The following PPL variants were observed in gnomAD, a reference collection of about 807,000 sequenced individuals.
The protein encoded by PPL is periplakin, also known as 190 kDa paraneoplastic pemphigus antigen.
Under a neutral mutation model 194.4 loss-of-function variants are expected in PPL, and 198 were observed. The ratio of observed to expected loss-of-function variants is 1.02; its 90% CI spans 0.91 to 1.15. The LOEUF is 1.15. Ranked by LOEUF, PPL falls within the 50% of genes most tolerant of loss-of-function variation. The pLI, the probability that PPL is intolerant of heterozygous loss-of-function variation, is 0.00. For missense variants in PPL, 2,885 were observed against 2,294.8 expected, an observed-to-expected ratio of 1.26 and a Z score of -5.25; for synonymous variants, 1,220 against 972.4, an observed-to-expected ratio of 1.25 and a Z score of -4.74.
intron 18 of PPL, 134 bp downstream of exon 18, chr16:4,890,050 C>T: frequency 7.7e-7 from 1 of 1,302,642 alleles, no homozygotes; most frequent in Non-Finnish European, 1.1e-6. Flanking sequence ...AGCTGAGGCC[C>T]AGGGAGGACA....
intron 2 of PPL, among the ~76,000 whole-genome samples, chr16:4,907,486 G>A (rs1178369710): frequency 6.6e-6 from 1 of 152,034 alleles, no homozygotes; most frequent in Non-Finnish European, 1.5e-5. Context: ...GTATGATTCT[G>A]TTTATGTGAA....
Position 4,893,828 on chromosome 16 carries a change from CCCT to C in PPL, c.1395-193_1395-191del, listed in dbSNP as rs541157681. 8.0e-4 allele frequency: 464 copies of C among 581,610 alleles called. 1 individual carries two copies. The highest frequency in any genetic ancestry group is 1.2e-3 in the Non-Finnish European group (390 of 326,334). 36.0% of individuals were successfully genotyped at this position (581,610 alleles called of 1,614,324 possible). On this transcript the variant is annotated intron_variant, in intron 12 of 21. Coordinates refer to ENST00000345988, the MANE Select transcript of PPL (RefSeq NM_002705.5). ...GGGCTCAGAGCTCTTCTCCCTCCTT[CCCT>C]CCTCTTTCGTAGGAAGTCTCACTAC... is the stretch of plus-strand genomic sequence containing the variant.
At chr16:4,906,802 G>A (rs2088695289) in intron 2 of PPL, among the ~76,000 whole-genome samples, 1 of 152,230 alleles carries the variant, frequency 6.6e-6, no homozygotes, top group Non-Finnish European at 1.5e-5. Flanking sequence ...TAGGGAGATG[G>A]CCCGGGAGCT....
intron 1 of PPL, among the ~76,000 whole-genome samples, chr16:4,922,855 T>C (rs1480022934): frequency 6.6e-6 from 1 of 152,122 alleles, no homozygotes. Context: ...GCACGTGGAA[T>C]TCACAACTAA....
At position 4,890,226 on chromosome 16, in the gene PPL, T is replaced by C; in HGVS notation, c.2271A>G (p.Thr757=). ...TGGTCTCCATCTGGCTGAGGCTGTC[T>C]GTCTCCTGGGGCTCGTAACTGGGGA... The part of the protein sequence containing the change: ...VSIPSYEPQE[T]DSLSQMETKL... Residue 757 remains threonine, a synonymous_variant, in exon 18 of 22, where the codon ACA becomes ACG. Transcript: ENST00000345988. 1 of 1,614,210 alleles carries C rather than the reference T, an allele frequency of 6.2e-7. No homozygotes were observed. Among genetic ancestry groups the C allele is most frequent in the Non-Finnish European group, 8.5e-7 (1 of 1,180,032 alleles).
chr16:4,888,016 G>A, intron 20 of PPL, 86 bp downstream of exon 20: 3 of 936,910 alleles, frequency 3.2e-6, no homozygotes, highest in African/African-American at 1.6e-5. Context: ...CATCTCTGAG[G>A]CCAGCGTGTG....
At chr16:4,917,720 G>T (rs2088953563) in intron 1 of PPL, among the ~76,000 whole-genome samples, 2 of 152,174 alleles carry the variant, frequency 1.3e-5, no homozygotes, top group Admixed American at 1.3e-4. Context: ...GGGCAACATG[G>T]TGAAACCCCA....
At chr16:4,912,826 C>T (rs1297935691) in intron 1 of PPL, among the ~76,000 whole-genome samples, 2 of 152,080 alleles carry the variant, frequency 1.3e-5, no homozygotes, top group Non-Finnish European at 2.9e-5. Context: ...ACTTGAGGCC[C>T]GGTGTGGTGG....
rs137947268 is a variant in PPL, at chr16:4,899,094, G to C, written c.795C>G (p.Ala265=). The change falls in exon 8 of 22, where the codon GCC becomes GCG. Residue 265 remains alanine (A), a synonymous_variant. Transcript: ENST00000345988. ...YENFINRNLE[A]KEERINKLHS... ...GCAGTTTGTTGATTCTCTCCTCTTT[G>C]GCCTCCAGGTTCCGGTTGATGAAAT... The C allele has an allele frequency of 2.5e-6, 4 of 1,595,006 alleles. No individual in the cohort carries two copies. The African/African-American group carries it at 4.0e-5, about 16-fold the overall frequency.
intron 1 of PPL, among the ~76,000 whole-genome samples, chr16:4,912,804 C>T (rs12149550): frequency 0.01 from 1,525 of 152,134 alleles, 98 homozygotes; most frequent in Admixed American, 0.085. Context: ...CTTCTCAGAG[C>T]GCCTGAAAGA....
In PPL at chr16:4,891,893, G is replaced by C; in HGVS notation, c.1886C>G (p.Ala629Gly). 1 of 1,613,534 alleles carries C rather than the reference G, an allele frequency of 6.2e-7. No homozygotes were observed. The highest frequency in any genetic ancestry group is 1.3e-5 in the African/African-American group (1 of 75,034). The change falls in exon 16 of 22, where the codon GCC becomes GGC. Residue 629 changes from alanine (A) to glycine (G), a missense_variant. Coordinates refer to ENST00000345988, the MANE Select transcript of PPL (RefSeq NM_002705.5). ...KSLQQSWELLATHENHLNQDD... is the reference protein window; with the variant it reads ...KSLQQSWELLGTHENHLNQDD... ...CTGATTCAGATGGTTCTCGTGTGTG[G>C]CCAGCAACTCCCAGCTCTGCTGCAG... is the stretch of plus-strand genomic sequence containing the variant.
At chr16:4,926,082 C>A (rs1365817212) in intron 1 of PPL, among the ~76,000 whole-genome samples, 1 of 152,206 alleles carries the variant, frequency 6.6e-6, no homozygotes, top group African/African-American at 2.4e-5. Flanking sequence ...TGAGTGAGCA[C>A]CTTCCTGGCC....
At chr16:4,889,261 T>G (rs1337373577) in intron 18 of PPL, among the ~76,000 whole-genome samples, 200 bp from the exon 19 acceptor site, 5 of 129,330 alleles carry the variant, frequency 3.9e-5, no homozygotes, top group South Asian at 5.7e-4. Context: ...TTTTTTTTTT[T>G]TTTTTTTTTT....
At chr16:4,903,318 A>G (rs1461438014) in intron 3 of PPL, among the ~76,000 whole-genome samples, 1 of 152,060 alleles carries the variant, frequency 6.6e-6, no homozygotes, top group African/African-American at 2.4e-5. Context: ...AGCTCGCTCA[A>G]AAGCTCACAG....
chr16:4,883,281 G>T lies in PPL; in HGVS notation c.*103C>A. The T allele has an allele frequency of 6.6e-7, 1 of 1,515,180 alleles. No individual in the cohort carries two copies. Among genetic ancestry groups the T allele is most frequent in the Non-Finnish European group, 9.0e-7 (1 of 1,116,764 alleles). 93.9% of individuals were successfully genotyped at this position (1,515,180 alleles called of 1,614,324 possible). A position where few individuals can be genotyped will look rare whatever the true frequency, so the allele number is the denominator to read the frequency against. ...CTGGCAGCGAGGGTATGTATAAAAT[G>T]CTTGGCCTGCACCAGGGCAAGGGAG... On this transcript the variant is annotated 3_prime_UTR_variant, in exon 22 of 22. Coordinates refer to ENST00000345988, the MANE Select transcript of PPL (RefSeq NM_002705.5). This position sits in a 1 kb window ranked among gnomAD's most constrained non-coding sequence, Gnocchi z 4.8.
intron 1 of PPL, 36 bp from the exon 2 acceptor site, chr16:4,910,985 C>G: frequency 3.2e-6 from 5 of 1,569,364 alleles, no homozygotes; most frequent in Non-Finnish European, 4.4e-6. Flanking sequence ...GGGCGGGGTG[C>G]CTGGTGGGTG....
chr16:4,894,673 G>C, intron 11 of PPL, 55 bp from the exon 12 acceptor site: 2 of 1,581,426 alleles, frequency 1.3e-6, no homozygotes, highest in South Asian at 2.2e-5. Context: ...GGGCCTGGGA[G>C]CCCGGTTGCC....
intron 1 of PPL, among the ~76,000 whole-genome samples, chr16:4,925,181 G>GCCC (rs1160075111): frequency 6.6e-6 from 1 of 152,202 alleles, no homozygotes; most frequent in African/African-American, 2.4e-5. Flanking sequence ...AGAGCCCAGA[G>GCCC]AAGGGGCTGG....
chr16:4,925,113 G>A lies in PPL; in HGVS notation c.62+11871C>T, dbSNP rs150312135. The stretch of plus-strand genomic sequence containing the variant: ...GTGTATTGGGGTTGCATTGCTGCTG[G>A]AATGTCTGGAACGCACAGGAGGGTA... On this transcript the variant is annotated intron_variant, in intron 1 of 21. Transcript: ENST00000345988. 9.9e-5 allele frequency among the ~76,000 whole-genome samples: 15 copies of A among 152,276 alleles called. No individual in the cohort carries two copies. The East Asian group carries it at 2.3e-3, about 24-fold the overall frequency.
Sources: gnomAD v4.1 joint callset for allele counts (sites outside exome capture counted in the v4.1 genomes callset) on GRCh38, gnomAD v4.1.1 for gene constraint, Gnocchi (gnomAD v3.1) non-coding constraint, MANE v1.5 for transcripts, NCBI Gene and HGNC (gene_info 2026-07-23, HGNC 2026-07-21) for gene names.